DNAH17: variants seen among roughly 807,000 people sequenced by gnomAD.
DNAH17 encodes axonemal beta dynein heavy chain 17.
Under a neutral mutation model 485.6 loss-of-function variants are expected in DNAH17, and 376 were observed. The observed-to-expected ratio is 0.77, with a 90% CI of 0.71 to 0.84. The LOEUF (loss-of-function observed/expected upper bound fraction) is 0.84, where lower values mean the gene tolerates loss of function less well. DNAH17 is among the 40% of genes least tolerant of loss of function. DNAH17 has a pLI of 0.00. For synonymous variants in DNAH17, 3,031 were observed against 2,405.9 expected (o/e 1.26, Z -7.60); for missense variants, 6,370 against 5,839.3 (o/e 1.09, Z -2.96).
At chr17:78,445,271 G>C (rs373959380) in intron 70 of DNAH17, among the ~76,000 whole-genome samples, 20 of 152,190 alleles carry the variant, frequency 1.3e-4, no homozygotes, top group Middle Eastern at 3.4e-3. Flanking sequence ...GGGATGGTAA[G>C]AGGCCCTGAG....
chr17:78,468,205 C>A (rs898957862), intron 55 of DNAH17, among the ~76,000 whole-genome samples: 2 of 151,626 alleles, frequency 1.3e-5, no homozygotes, highest in African/African-American at 4.8e-5. Context: ...TATAGTATAA[C>A]AACTATTTAC....
chr17:78,537,277 G>A, intron 19 of DNAH17, 22 bp downstream of exon 19: 1 of 1,550,564 alleles, frequency 6.4e-7, no homozygotes, highest in Non-Finnish European at 8.7e-7. Context: ...CCTGTGTACG[G>A]CCAGAAGAGG....
intron 8 of DNAH17, 24 bp from the exon 9 acceptor site, chr17:78,569,276 A>G: frequency 1.9e-6 from 3 of 1,597,148 alleles, no homozygotes; most frequent in Non-Finnish European, 2.6e-6. Flanking sequence ...AAGAGAGATG[A>G]GGCCACGTTT....
At position 78,561,999 on chromosome 17, in the gene DNAH17, G is replaced by T; in HGVS notation, c.1570-19C>A. The T allele has an allele frequency of 6.4e-7, 1 of 1,555,626 alleles. No homozygotes were observed. Among genetic ancestry groups the T allele is most frequent in the Non-Finnish European group, 8.7e-7 (1 of 1,152,014 alleles). On this transcript the variant is annotated intron_variant, in intron 11 of 80. Transcript: ENST00000389840. ...ACAGGAGCTGAGGACAAAGGAGAAG[G>T]GGGCCTCTTCACCACAGTCTCCTCC...
chr17:78,526,751 G>C lies in DNAH17; in HGVS notation c.3625-14C>G. ...ATGTTGCTTGAGCTGCGAGAGAAGA[G>C]TGCAAAGTACAGAGAGTCACGGGGC... On this transcript the variant is annotated splice_polypyrimidine_tract_variant and intron_variant, in intron 23 of 80. Transcript: ENST00000389840. 6.2e-7 allele frequency: 1 copy of C among 1,600,768 alleles called. No individual in the cohort carries two copies. The highest frequency in any genetic ancestry group is 8.5e-7 in the Non-Finnish European group (1 of 1,170,982).
At chr17:78,529,294 G>A in intron 22 of DNAH17, among the ~76,000 whole-genome samples, 178 bp downstream of exon 22, 1 of 152,108 alleles carries the variant, frequency 6.6e-6, no homozygotes, top group Non-Finnish European at 1.5e-5. Context: ...AGTCCCCAGG[G>A]TCTCCTGTCC....
chr17:78,454,825 CT>C, intron 63 of DNAH17, 120 bp from the exon 64 acceptor site: 1 of 808,160 alleles, frequency 1.2e-6, no homozygotes, highest in Non-Finnish European at 1.9e-6. Context: ...GCAGGACGAC[CT>C]GGGAGAAGCC....
intron 56 of DNAH17, among the ~76,000 whole-genome samples, chr17:78,465,022 G>A (rs2088347634): frequency 3.3e-5 from 5 of 152,188 alleles, no homozygotes. Flanking sequence ...TGCCATCTCG[G>A]CTCGCTGCAG....
chr17:78,487,137 G>C (rs889858270), intron 44 of DNAH17, among the ~76,000 whole-genome samples: 1 of 152,154 alleles, frequency 6.6e-6, no homozygotes, highest in Non-Finnish European at 1.5e-5. Context: ...GTGTGGAGGT[G>C]GCCCACCACG....
At chr17:78,556,249 G>C (rs529764186) in intron 14 of DNAH17, among the ~76,000 whole-genome samples, 1 of 152,080 alleles carries the variant, frequency 6.6e-6, no homozygotes, top group Non-Finnish European at 1.5e-5. Flanking sequence ...CCTCCCATCT[G>C]TCTATCCCAT....
intron 44 of DNAH17, 91 bp from the exon 45 acceptor site, chr17:78,486,597 C>T: frequency 6.9e-7 from 1 of 1,444,684 alleles, no homozygotes; most frequent in Non-Finnish European, 9.2e-7. Flanking sequence ...TACCTCCACC[C>T]AATTCTGCTG....
rs73999110 is a variant in DNAH17, at chr17:78,540,183, G to C, written c.2533-303C>G. On this transcript the variant is annotated intron_variant, in intron 17 of 80. Coordinates refer to ENST00000389840, the MANE Select transcript of DNAH17 (RefSeq NM_173628.4). The stretch of plus-strand genomic sequence containing the variant: ...GCAAACTGTTATTTATGCCTACCAT[G>C]GCTCAGAGGGCCACTCAGAATTATT... 3.1e-3 allele frequency among the ~76,000 whole-genome samples: 462 copies of C among 146,696 alleles called. 2 individuals carry two copies. Among genetic ancestry groups the C allele is most frequent in the African/African-American group, 0.011 (446 of 39,364 alleles).
chr17:78,543,419 T>C (rs2091658271), intron 17 of DNAH17, among the ~76,000 whole-genome samples: 1 of 152,024 alleles, frequency 6.6e-6, no homozygotes, highest in African/African-American at 2.4e-5. Context: ...GCCTCCCAAG[T>C]AGCTGGGACT....
At chr17:78,575,556 T>G (rs921236876) in intron 1 of DNAH17, among the ~76,000 whole-genome samples, 3 of 152,166 alleles carry the variant, frequency 2.0e-5, no homozygotes, top group African/African-American at 7.2e-5. Flanking sequence ...GTGCAGGCCG[T>G]GAGGCTCAGC....
At chr17:78,531,214 G>A (rs2091226992) in intron 20 of DNAH17, among the ~76,000 whole-genome samples, 2 of 152,104 alleles carry the variant, frequency 1.3e-5, no homozygotes, top group African/African-American at 2.4e-5. Flanking sequence ...TTATATATCT[G>A]GGTGCTCTGG....
intron 19 of DNAH17, 23 bp downstream of exon 19, chr17:78,537,276 G>A (rs1242778643): frequency 1.8e-5 from 28 of 1,549,854 alleles, no homozygotes; most frequent in Admixed American, 5.9e-5. Context: ...CCCTGTGTAC[G>A]GCCAGAAGAG....
chr17:78,543,386 G>C (rs1013937205), intron 17 of DNAH17, among the ~76,000 whole-genome samples: 1 of 151,928 alleles, frequency 6.6e-6, no homozygotes, highest in Non-Finnish European at 1.5e-5. Context: ...CGCTTCCCGG[G>C]TTCACGCCAT....
Position 78,526,645 on chromosome 17 carries a change from A to T in DNAH17, c.3711+6T>A. 2 of 1,594,232 alleles carry T rather than the reference A, an allele frequency of 1.3e-6. No individual in the cohort carries two copies. The highest frequency in any genetic ancestry group is 1.7e-6 in the Non-Finnish European group (2 of 1,167,508). ...ACCCCCTGATCTCACCCTTGAGCAA[A>T]AATACCTTATTCAGGGACTTGTAGG... On this transcript the variant is annotated splice_donor_region_variant and intron_variant, in intron 24 of 80. Transcript: ENST00000389840.
At chr17:78,551,780 G>A (rs2143564939) in intron 15 of DNAH17, 142 bp from the exon 16 acceptor site, 1 of 692,018 alleles carries the variant, frequency 1.4e-6, no homozygotes, top group East Asian at 2.7e-5. Context: ...TGGGCAACAT[G>A]GTGAAACCCC....
Sources: allele counts gnomAD v4.1 joint callset (sites outside exome capture counted in the v4.1 genomes callset), GRCh38; gene constraint gnomAD v4.1.1; transcripts MANE v1.5; gene names NCBI Gene and HGNC (gene_info 2026-07-23, HGNC 2026-07-21).